AUTS2: variants seen among roughly 807,000 people sequenced by gnomAD.
AUTS2 encodes the protein activator of transcription and developmental regulator AUTS2, also known as autism susceptibility gene 2 protein.
In AUTS2, 17 loss-of-function variants were observed where a neutral mutation model predicts 112.4. The ratio of observed to expected loss-of-function variants is 0.15; its 90% confidence interval spans 0.10 to 0.23. AUTS2 has a LOEUF of 0.23. AUTS2 is among the 10% of genes least tolerant of loss of function. AUTS2 has a pLI of 1.00. For synonymous variants in AUTS2, 751 were observed against 702.7 expected, an observed-to-expected ratio of 1.07 and a Z score of -1.09; for missense variants, 1,510 against 1,701.6, an observed-to-expected ratio of 0.89 and a Z score of 1.98.
At chr7:70,525,544 A>T (rs1293732672) in intron 5 of AUTS2, among the ~76,000 whole-genome samples, 28 of 152,224 alleles carry the variant, frequency 1.8e-4, no homozygotes. Flanking sequence ...GCTCAAGATG[A>T]CTTTAGGGTG....
chr7:70,481,433 C>T (rs1022783424), intron 5 of AUTS2, among the ~76,000 whole-genome samples: 2 of 152,172 alleles, frequency 1.3e-5, no homozygotes, highest in Non-Finnish European at 2.9e-5. Flanking sequence ...TGGAATTTCT[C>T]TTACAGCATC....
rs1562971475 is a variant in AUTS2, at chr7:69,924,536, TTTC to T, written c.522+25041_522+25043del. ...TTTCTTTTGTCTTTTCTTTTCTTTCTTTCTTTCTTTTCTTTTTTTTTTTTCTTT... is the reference window on the plus strand; with the variant it reads ...TTTCTTTTGTCTTTTCTTTTCTTTCTTTTCTTTTCTTTTTTTTTTTTCTTT... On this transcript the variant is annotated intron_variant, in intron 2 of 18. Coordinates refer to ENST00000342771, the MANE Select transcript of AUTS2 (RefSeq NM_015570.4). Among the ~76,000 whole-genome samples, 4 of 151,680 alleles carry T rather than the reference TTTC, an allele frequency of 2.6e-5. No homozygotes were observed. In the East Asian group the frequency reaches 7.7e-4, roughly 29 times the overall value.
At chr7:69,988,356 G>T (rs1798598547) in intron 2 of AUTS2, among the ~76,000 whole-genome samples, 1 of 152,168 alleles carries the variant, frequency 6.6e-6, no homozygotes. Flanking sequence ...GCTGGTGCAG[G>T]AGCTGGAATT....
intron 4 of AUTS2, among the ~76,000 whole-genome samples, chr7:70,367,543 G>A (rs563834707): frequency 2.0e-5 from 3 of 149,270 alleles, no homozygotes; most frequent in Admixed American, 1.3e-4. Context: ...GAGACAGAGC[G>A]AGACTCTGTC....
In AUTS2 at chr7:70,631,805, C is replaced by T. The variant is rs1028267163; in HGVS notation, c.691-66764C>T. ...TGCTGCTTGACAGCATCTCCAGCCC[C>T]GCGCCCGTGTGTGCTAACTTGCTAG... On this transcript the variant is annotated intron_variant, in intron 5 of 18. Coordinates refer to ENST00000342771, the MANE Select transcript of AUTS2 (RefSeq NM_015570.4). This position sits in a 1 kb window ranked among gnomAD's most constrained non-coding sequence, Gnocchi z 4.5. 2.0e-5 allele frequency among the ~76,000 whole-genome samples: 3 copies of T among 152,098 alleles called. No individual in the cohort carries two copies. Among genetic ancestry groups the T allele is most frequent in the South Asian group, 2.1e-4 (1 of 4,798 alleles).
At chr7:70,496,098 A>ACACG (rs1172307482) in intron 5 of AUTS2, among the ~76,000 whole-genome samples, 7 of 138,288 alleles carry the variant, frequency 5.1e-5, no homozygotes, top group African/African-American at 8.3e-5. Flanking sequence ...ACAGTCAGAC[A>ACACG]CACACCCCAC....
chr7:70,235,826 T>C (rs1812299027), intron 4 of AUTS2, among the ~76,000 whole-genome samples: 1 of 151,946 alleles, frequency 6.6e-6, no homozygotes, highest in Admixed American at 6.6e-5. Context: ...TAATTTTTTG[T>C]GTTTTTAGTA....
intron 1 of AUTS2, among the ~76,000 whole-genome samples, chr7:69,670,611 C>T (rs951034484): frequency 7.7e-5 from 11 of 142,174 alleles, no homozygotes; most frequent in South Asian, 6.9e-4. Flanking sequence ...TACCGTGGCA[C>T]GTGCTGTGTA....
intron 14 of AUTS2, among the ~76,000 whole-genome samples, chr7:70,780,521 G>A (rs1362500378): frequency 6.6e-6 from 1 of 151,808 alleles, no homozygotes; most frequent in Non-Finnish European, 1.5e-5. Context: ...GACGACAGGC[G>A]TGCACCACCA....
chr7:69,913,781 C>T (rs1280365794), intron 2 of AUTS2, among the ~76,000 whole-genome samples: 1 of 152,134 alleles, frequency 6.6e-6, no homozygotes, highest in African/African-American at 2.4e-5. Flanking sequence ...TCTGCAGTGC[C>T]CAGTTATCCA....
At chr7:70,682,603 G>A (rs948402532) in intron 5 of AUTS2, among the ~76,000 whole-genome samples, 4 of 152,224 alleles carry the variant, frequency 2.6e-5, no homozygotes, top group African/African-American at 9.6e-5. Context: ...ATCCTGGCAT[G>A]TGCTCACCTT....
chr7:69,980,968 C>T (rs2129550196), intron 2 of AUTS2, among the ~76,000 whole-genome samples: 1 of 152,334 alleles, frequency 6.6e-6, no homozygotes, highest in Admixed American at 6.5e-5. Flanking sequence ...TAACAACTTA[C>T]ACATACATGA....
At chr7:69,655,539 G>A (rs939284624) in intron 1 of AUTS2, among the ~76,000 whole-genome samples, 1 of 152,204 alleles carries the variant, frequency 6.6e-6, no homozygotes, top group African/African-American at 2.4e-5. Flanking sequence ...CTGGCAGTGC[G>A]GGGCACAGTA....
chr7:70,258,755 G>T (rs1787012264), intron 4 of AUTS2, among the ~76,000 whole-genome samples: 1 of 152,166 alleles, frequency 6.6e-6, no homozygotes, highest in Non-Finnish European at 1.5e-5. Context: ...AATGATAGTG[G>T]ACAAGGTAAA....
intron 5 of AUTS2, among the ~76,000 whole-genome samples, chr7:70,686,284 A>C (rs1563127351): frequency 6.6e-6 from 1 of 152,134 alleles, no homozygotes; most frequent in Admixed American, 6.5e-5. Context: ...TACATACATG[A>C]ATTCATTTAA....
chr7:70,625,632 G>C (rs1804898896), intron 5 of AUTS2, among the ~76,000 whole-genome samples: 1 of 152,168 alleles, frequency 6.6e-6, no homozygotes. Flanking sequence ...GCCAAGCATT[G>C]TTGATTGCAC....
At chr7:69,603,054 T>C (rs1459332977) in intron 1 of AUTS2, among the ~76,000 whole-genome samples, 1 of 152,194 alleles carries the variant, frequency 6.6e-6, no homozygotes, top group Non-Finnish European at 1.5e-5. Flanking sequence ...TTAAGAATTA[T>C]TATAGATGCT....
intron 5 of AUTS2, among the ~76,000 whole-genome samples, chr7:70,686,609 T>G (rs1201050792): frequency 6.6e-6 from 1 of 152,104 alleles, no homozygotes; most frequent in African/African-American, 2.4e-5. Context: ...CAATCTCAGC[T>G]TACTGCAACC....
At chr7:69,984,203 G>A (rs894125873) in intron 2 of AUTS2, among the ~76,000 whole-genome samples, 1 of 152,032 alleles carries the variant, frequency 6.6e-6, no homozygotes, top group African/African-American at 2.4e-5. Flanking sequence ...GGATCACGAG[G>A]TCAGGAGATC....
Sources: gnomAD v4.1 joint callset for allele counts (sites outside exome capture counted in the v4.1 genomes callset) on GRCh38, gnomAD v4.1.1 for gene constraint, Gnocchi (gnomAD v3.1) non-coding constraint, MANE v1.5 for transcripts, NCBI Gene and HGNC (gene_info 2026-07-23, HGNC 2026-07-21) for gene names.